TAF3: variants seen among roughly 807,000 people sequenced by gnomAD.
TAF3 encodes the protein transcription initiation factor TFIID subunit 3.
In TAF3, 7 loss-of-function variants were observed where a neutral mutation model predicts 80.6. The ratio of observed to expected loss-of-function variants is 0.09; its 90% CI spans 0.05 to 0.16. The LOEUF is 0.16. Ranked by LOEUF, TAF3 falls within the 10% of genes least tolerant of loss-of-function variation. The probability of loss-of-function intolerance (pLI) is 1.00; values close to 1 mark genes in which losing one functional copy is unlikely to be tolerated. For synonymous variants in TAF3, 444 were observed against 446.1 expected, an observed-to-expected ratio of 1.00 and a Z score of 0.06; for missense variants, 921 against 1,140.2, an observed-to-expected ratio of 0.81 and a Z score of 2.77.
In TAF3 at chr10:7,883,272, A is replaced by G. The variant is rs1588537541; in HGVS notation, c.409+58712A>G. ...TGTCTTTGCCTTTCATGACCTCACC[A>G]CTTTGGAAGAGAACAAACTAGTTAT... On this transcript the variant is annotated intron_variant, in intron 2 of 6. Coordinates refer to ENST00000344293, the MANE Select transcript of TAF3 (RefSeq NM_031923.4). Among the ~76,000 whole-genome samples the G allele has an allele frequency of 2.6e-5, 4 of 152,226 alleles. No individual in the cohort carries two copies. In the East Asian group the frequency reaches 5.8e-4, roughly 22 times the overall value.
chr10:7,953,873 A>T (rs2131405152), intron 2 of TAF3, among the ~76,000 whole-genome samples: 1 of 146,376 alleles, frequency 6.8e-6, no homozygotes, highest in Admixed American at 6.9e-5. Context: ...GTCCTAGTTA[A>T]CACAGAGCTC....
At chr10:7,866,102 T>C (rs1837212139) in intron 2 of TAF3, among the ~76,000 whole-genome samples, 1 of 152,236 alleles carries the variant, frequency 6.6e-6, no homozygotes, top group Non-Finnish European at 1.5e-5. Context: ...TTTTTCTGGA[T>C]CGTAAAGTAA....
At chr10:8,007,580 A>G (rs1159101924) in intron 4 of TAF3, among the ~76,000 whole-genome samples, 1 of 106,326 alleles carries the variant, frequency 9.4e-6, no homozygotes, top group South Asian at 3.2e-4. Flanking sequence ...ATATATATAT[A>G]TATATATATA....
Position 7,955,813 on chromosome 10 carries a change from A to G in TAF3, c.410-8107A>G, listed in dbSNP as rs553979308. Among the ~76,000 whole-genome samples, 25 of 152,304 alleles carry G rather than the reference A, an allele frequency of 1.6e-4. No individual in the cohort carries two copies. The East Asian group carries it at 4.6e-3, about 28-fold the overall frequency. On this transcript the variant is annotated intron_variant, in intron 2 of 6. Coordinates refer to ENST00000344293, the MANE Select transcript of TAF3 (RefSeq NM_031923.4). Reference sequence around the variant, plus strand: ...CATGTTTTTCTCATTATTCCTCAGGAGAATGTAGGGAGTGTGGATTATTTG... The same window carrying G: ...CATGTTTTTCTCATTATTCCTCAGGGGAATGTAGGGAGTGTGGATTATTTG...
intron 2 of TAF3, among the ~76,000 whole-genome samples, chr10:7,865,624 C>T (rs558830296): frequency 2.3e-4 from 35 of 152,292 alleles, no homozygotes; most frequent in African/African-American, 8.4e-4. Context: ...CTTTAGCAGC[C>T]CCGGCAGGGT....
chr10:7,946,193 TCA>T (rs1307582410), intron 2 of TAF3, among the ~76,000 whole-genome samples: 2 of 151,386 alleles, frequency 1.3e-5, no homozygotes, highest in Non-Finnish European at 3.0e-5. Flanking sequence ...CAAATAAAAT[TCA>T]CACTCTTTCC....
chr10:7,971,554 A>G (rs1384806972), intron 3 of TAF3, among the ~76,000 whole-genome samples: 1 of 152,134 alleles, frequency 6.6e-6, no homozygotes, highest in Non-Finnish European at 1.5e-5. Context: ...ACCTTTGCAG[A>G]AAGTCCCTGT....
Position 8,009,676 on chromosome 10 carries a change from CG to C in TAF3, c.2568+348del, listed in dbSNP as rs1181401016. Among the ~76,000 whole-genome samples, 2 of 151,238 alleles carry C rather than the reference CG, an allele frequency of 1.3e-5. No homozygotes were observed. The highest frequency in any genetic ancestry group is 2.9e-5 in the Non-Finnish European group (2 of 67,914). The stretch of plus-strand genomic sequence containing the variant: ...CGCTCTTATTGCCCAACCTGGAATG[CG>C]GTGGTGAGATCTCAGCTCACTGCAA... On this transcript the variant is annotated intron_variant, in intron 5 of 6. Coordinates refer to ENST00000344293, the MANE Select transcript of TAF3 (RefSeq NM_031923.4). This position sits in a 1 kb window ranked among gnomAD's most constrained non-coding sequence, Gnocchi z 4.1.
At chr10:8,001,788 C>T (rs181678177) in intron 4 of TAF3, among the ~76,000 whole-genome samples, 68 of 152,178 alleles carry the variant, frequency 4.5e-4, no homozygotes, top group Non-Finnish European at 7.2e-4. Context: ...TTTTAATTAA[C>T]TATACCATCC....
intron 4 of TAF3, among the ~76,000 whole-genome samples, chr10:8,000,389 T>A (rs1831932322): frequency 6.6e-6 from 1 of 152,104 alleles, no homozygotes; most frequent in East Asian, 1.9e-4. Flanking sequence ...AGTGCTGGGA[T>A]TACAAGTGTG....
In TAF3 at chr10:7,818,554, C is replaced by G. The variant is rs138979167; in HGVS notation, c.-156C>G. Reference sequence around the variant, plus strand: ...ATGGCGGCTCTCAGGCTGGCGCGCTCCGTGCTGCTGGGGCTTTGAGGTGGT... The same window carrying G: ...ATGGCGGCTCTCAGGCTGGCGCGCTGCGTGCTGCTGGGGCTTTGAGGTGGT... On this transcript the variant is annotated 5_prime_UTR_variant, in exon 1 of 7. Transcript: ENST00000344293. The G allele has an allele frequency of 9.6e-6, 7 of 727,796 alleles. No homozygotes were observed. Among genetic ancestry groups the G allele is most frequent in the Non-Finnish European group, 2.0e-6 (1 of 490,402 alleles). 45.1% of individuals were successfully genotyped at this position (727,796 alleles called of 1,614,324 possible).
intron 2 of TAF3, among the ~76,000 whole-genome samples, chr10:7,916,040 G>A (rs1050284867): frequency 6.6e-6 from 1 of 152,034 alleles, no homozygotes; most frequent in African/African-American, 2.4e-5. Context: ...AGTCTAAACA[G>A]TCTGTTGTAT....
At chr10:7,858,383 C>T (rs1199179245) in intron 2 of TAF3, among the ~76,000 whole-genome samples, 1 of 152,186 alleles carries the variant, frequency 6.6e-6, no homozygotes. Context: ...CTTCCTGGCG[C>T]TTGATCCTTT....
chr10:7,993,961 T>C (rs946641004), intron 4 of TAF3, among the ~76,000 whole-genome samples: 1 of 149,924 alleles, frequency 6.7e-6, no homozygotes, highest in Non-Finnish European at 1.5e-5. Context: ...TCTCCAGTGA[T>C]GAGCATAGGG....
chr10:7,943,091 G>T (rs1374776815), intron 2 of TAF3, among the ~76,000 whole-genome samples: 1 of 152,216 alleles, frequency 6.6e-6, no homozygotes, highest in African/African-American at 2.4e-5. Flanking sequence ...AGCAGCGGTT[G>T]TGATCCTGCT....
Position 7,834,450 on chromosome 10 carries a change from G to A in TAF3, c.409+9890G>A, listed in dbSNP as rs1588516864. Among the ~76,000 whole-genome samples the A allele has an allele frequency of 2.0e-5, 3 of 151,916 alleles. No homozygotes were observed. The South Asian group carries it at 6.3e-4, about 32-fold the overall frequency. ...CCAGTTGTCTCCACGCTGGGAAATA[G>A]CATTTCAAGTACACAGTCTCGGTGC... On this transcript the variant is annotated intron_variant, in intron 2 of 6. Transcript: ENST00000344293.
chr10:7,846,343 A>T (rs996789460), intron 2 of TAF3, among the ~76,000 whole-genome samples: 1 of 152,216 alleles, frequency 6.6e-6, no homozygotes, highest in Non-Finnish European at 1.5e-5. Context: ...GTAATATAGA[A>T]TACCCATTAT....
chr10:7,930,050 T>C (rs979372867), intron 2 of TAF3, among the ~76,000 whole-genome samples: 18 of 151,918 alleles, frequency 1.2e-4, no homozygotes, highest in African/African-American at 4.4e-4. Flanking sequence ...AAAAACAAAA[T>C]AGCAAAGTGG....
chr10:8,011,947 G>A (rs993832926), intron 5 of TAF3, among the ~76,000 whole-genome samples: 5 of 152,150 alleles, frequency 3.3e-5, no homozygotes, highest in African/African-American at 1.2e-4. Context: ...GGAGGCCAAG[G>A]CAGCTGTATC....
Sources: allele counts gnomAD v4.1 joint callset (sites outside exome capture counted in the v4.1 genomes callset), GRCh38; gene constraint gnomAD v4.1.1; non-coding constraint Gnocchi (gnomAD v3.1); transcripts MANE v1.5; gene names NCBI Gene and HGNC (gene_info 2026-07-23, HGNC 2026-07-21).